ERC2: variants seen among roughly 807,000 people sequenced by gnomAD.
ERC2 encodes ERC protein 2.
ERC2 carries 42 observed loss-of-function variants against 114.8 expected under a neutral mutation model. The observed-to-expected ratio is 0.37, with a 90% CI of 0.29 to 0.47. The LOEUF (loss-of-function observed/expected upper bound fraction) is 0.47. ERC2 is among the 20% of genes least tolerant of loss of function. The pLI is 0.99. For missense variants in ERC2, 939 were observed against 1,150.7 expected (o/e 0.82, Z 2.66); for synonymous variants, 454 against 425.5 (o/e 1.07, Z -0.82).
chr3:55,703,075 C>T (rs1299150312), intron 15 of ERC2, among the ~76,000 whole-genome samples: 1 of 152,152 alleles, frequency 6.6e-6, no homozygotes, highest in Non-Finnish European at 1.5e-5. Flanking sequence ...CTTCCTCTTT[C>T]TTCAAGGCGC....
intron 3 of ERC2, among the ~76,000 whole-genome samples, chr3:56,188,968 A>T (rs770106314): frequency 9.2e-5 from 14 of 152,232 alleles, no homozygotes; most frequent in Non-Finnish European, 1.9e-4. Flanking sequence ...CCATGCACCA[A>T]GCATTGCGCT....
intron 14 of ERC2, among the ~76,000 whole-genome samples, chr3:55,757,933 T>G (rs1315472614): frequency 1.3e-5 from 2 of 151,992 alleles, no homozygotes; most frequent in Non-Finnish European, 2.9e-5. Flanking sequence ...AAGATAAATA[T>G]CATATATATA....
chr3:56,411,248 GT>G lies in ERC2; in HGVS notation c.657+23102del, dbSNP rs564271338. On this transcript the variant is annotated intron_variant, in intron 2 of 17. Coordinates refer to ENST00000288221, the MANE Select transcript of ERC2 (RefSeq NM_015576.3). Reference sequence around the variant, plus strand: ...TGAAAATCTCTCATAAAAATTATCTGTAAATAACAAGAAAGATGTCGAAATA... The same window carrying G: ...TGAAAATCTCTCATAAAAATTATCTGAAATAACAAGAAAGATGTCGAAATA... Among the ~76,000 whole-genome samples, 14 of 151,460 alleles carry G rather than the reference GT, an allele frequency of 9.2e-5. No homozygotes were observed. The East Asian group carries it at 2.8e-3, about 30-fold the overall frequency.
chr3:56,159,973 A>G (rs1045499223), intron 4 of ERC2, among the ~76,000 whole-genome samples: 20 of 152,222 alleles, frequency 1.3e-4, no homozygotes, highest in African/African-American at 4.6e-4. Context: ...TGAACATTTA[A>G]GTGTATGTGT....
intron 13 of ERC2, among the ~76,000 whole-genome samples, chr3:55,889,814 T>C (rs1037110685): frequency 1.3e-5 from 2 of 152,240 alleles, no homozygotes; most frequent in African/African-American, 4.8e-5. Flanking sequence ...CTTCAAAATG[T>C]GTCAATGACA....
At chr3:56,146,315 G>A (rs1294266509) in intron 5 of ERC2, among the ~76,000 whole-genome samples, 1 of 151,914 alleles carries the variant, frequency 6.6e-6, no homozygotes, top group Non-Finnish European at 1.5e-5. Context: ...AAACCAAGTA[G>A]GGGAATTAAG....
intron 2 of ERC2, among the ~76,000 whole-genome samples, chr3:56,315,271 A>T (rs142500327): frequency 4.4e-4 from 67 of 152,366 alleles, no homozygotes; most frequent in African/African-American, 1.6e-3. Flanking sequence ...TTTTCCTAAA[A>T]ATCTATGTGA....
intron 2 of ERC2, among the ~76,000 whole-genome samples, chr3:56,375,674 T>C (rs2059512922): frequency 6.6e-6 from 1 of 152,160 alleles, no homozygotes; most frequent in Admixed American, 6.5e-5. Context: ...TCATTAAGGG[T>C]GCTGTGTTAG....
chr3:55,711,960 C>G (rs1004627806), intron 15 of ERC2, among the ~76,000 whole-genome samples: 4 of 152,214 alleles, frequency 2.6e-5, no homozygotes, highest in African/African-American at 9.6e-5. Flanking sequence ...CAGCCTGTAC[C>G]TCTTTCTCTA....
chr3:55,791,472 T>A (rs923195606), intron 14 of ERC2, among the ~76,000 whole-genome samples: 1 of 152,200 alleles, frequency 6.6e-6, no homozygotes, highest in Non-Finnish European at 1.5e-5. Context: ...ACTATGTTTT[T>A]CCACTTTGTT....
chr3:55,910,827 A>G (rs953866890), intron 13 of ERC2, among the ~76,000 whole-genome samples: 1 of 152,226 alleles, frequency 6.6e-6, no homozygotes, highest in African/African-American at 2.4e-5. Context: ...GTCAGTCTCT[A>G]CAGTCTGATA....
intron 13 of ERC2, among the ~76,000 whole-genome samples, chr3:55,902,893 A>G (rs2064218930): frequency 6.6e-6 from 1 of 152,232 alleles, no homozygotes; most frequent in Non-Finnish European, 1.5e-5. Flanking sequence ...GGCAAAGGTC[A>G]AATTCAGCCC....
chr3:55,743,927 C>A (rs1305225541), intron 14 of ERC2, among the ~76,000 whole-genome samples: 2 of 152,154 alleles, frequency 1.3e-5, no homozygotes, highest in African/African-American at 4.8e-5. Context: ...AACCGAAGGC[C>A]ATTTCACTCC....
intron 12 of ERC2, among the ~76,000 whole-genome samples, chr3:55,959,796 T>C (rs1359819528): frequency 1.3e-5 from 2 of 152,236 alleles, no homozygotes; most frequent in Non-Finnish European, 2.9e-5. Flanking sequence ...TTAAATATGT[T>C]GTCACAGTAC....
intron 6 of ERC2, among the ~76,000 whole-genome samples, chr3:56,103,013 A>G (rs2078442848): frequency 6.6e-6 from 1 of 152,198 alleles, no homozygotes; most frequent in Non-Finnish European, 1.5e-5. Flanking sequence ...AGGAAGGACA[A>G]CTAAATAAAC....
At chr3:55,875,105 A>G (rs2062765827) in intron 14 of ERC2, among the ~76,000 whole-genome samples, 1 of 152,196 alleles carries the variant, frequency 6.6e-6, no homozygotes, top group Non-Finnish European at 1.5e-5. Context: ...GAGGGGAAGC[A>G]GAGAATAACC....
intron 6 of ERC2, among the ~76,000 whole-genome samples, chr3:56,105,942 T>G (rs2078632877): frequency 6.6e-6 from 1 of 152,134 alleles, no homozygotes; most frequent in Non-Finnish European, 1.5e-5. Context: ...AACTTGAAAG[T>G]CAGAAAAATG....
chr3:55,933,221 A>AAG (rs1553741003), intron 13 of ERC2, among the ~76,000 whole-genome samples: 6 of 151,744 alleles, frequency 4.0e-5, no homozygotes, highest in East Asian at 1.9e-4. Flanking sequence ...AAAAAAAAAA[A>AAG]AGAGAGAGAA....
intron 2 of ERC2, among the ~76,000 whole-genome samples, chr3:56,398,969 G>A (rs1006250354): frequency 6.6e-6 from 1 of 152,134 alleles, no homozygotes; most frequent in Non-Finnish European, 1.5e-5. Context: ...GCAGAACCAG[G>A]TTTAGAACTT....
Sources: allele counts gnomAD v4.1 joint callset (sites outside exome capture counted in the v4.1 genomes callset), GRCh38; gene constraint gnomAD v4.1.1; transcripts MANE v1.5; gene names NCBI Gene and HGNC (gene_info 2026-07-23, HGNC 2026-07-21).